ADAM22: variants seen among roughly 807,000 people sequenced by gnomAD.
The protein encoded by ADAM22 is ADAM metallopeptidase domain 22.
In ADAM22, 65 loss-of-function variants were observed where a neutral mutation model predicts 144.6. The ratio of observed to expected loss-of-function variants is 0.45; its 90% CI spans 0.37 to 0.55. ADAM22 has a LOEUF of 0.55. Among genes scored for constraint, ADAM22 ranks in the 20% least tolerant of loss-of-function variants. ADAM22 has a pLI of 0.00. For missense variants in ADAM22, 974 were observed against 1,184.9 expected, an observed-to-expected ratio of 0.82 and a Z score of 2.61; for synonymous variants, 391 against 412.6, an observed-to-expected ratio of 0.95 and a Z score of 0.63.
chr7:88,025,185 C>T (rs894501551), intron 3 of ADAM22, among the ~76,000 whole-genome samples: 10 of 152,112 alleles, frequency 6.6e-5, no homozygotes, highest in East Asian at 1.9e-4. Context: ...AAAAGTGTTC[C>T]TATTTCTCCA....
chr7:88,128,202 T>TA (rs1365170741), intron 8 of ADAM22, among the ~76,000 whole-genome samples: 1 of 152,064 alleles, frequency 6.6e-6, no homozygotes, highest in Non-Finnish European at 1.5e-5. Context: ...ATTTTCAAGA[T>TA]AGACTGTTAA....
At chr7:87,937,198 T>G (rs538824489) in intron 2 of ADAM22, among the ~76,000 whole-genome samples, 1 of 152,318 alleles carries the variant, frequency 6.6e-6, no homozygotes, top group East Asian at 1.9e-4. Flanking sequence ...GCTCAAATCA[T>G]CTGCTGGCCT....
chr7:87,965,929 G>A (rs1231388411), intron 2 of ADAM22, among the ~76,000 whole-genome samples: 1 of 152,220 alleles, frequency 6.6e-6, no homozygotes, highest in Non-Finnish European at 1.5e-5. Flanking sequence ...TGGCTTGACA[G>A]CCATTTACTC....
intron 2 of ADAM22, among the ~76,000 whole-genome samples, chr7:87,953,962 A>AT (rs1845948770): frequency 6.6e-6 from 1 of 151,818 alleles, no homozygotes; most frequent in Non-Finnish European, 1.5e-5. Flanking sequence ...CTAGGATTGC[A>AT]ACCCCTGCCT....
intron 14 of ADAM22, among the ~76,000 whole-genome samples, chr7:88,140,513 GA>G (rs1311475746): frequency 1.3e-5 from 2 of 152,088 alleles, no homozygotes; most frequent in East Asian, 1.9e-4. Flanking sequence ...TTTGTTACTT[GA>G]AAAAAACCTG....
chr7:87,988,517 A>G (rs1788994717), intron 3 of ADAM22, among the ~76,000 whole-genome samples: 1 of 152,164 alleles, frequency 6.6e-6, no homozygotes, highest in African/African-American at 2.4e-5. Flanking sequence ...ATATATATTA[A>G]GTTAGTGTTT....
chr7:88,145,323 G>A (rs1470788809), intron 16 of ADAM22, 92 bp from the exon 17 acceptor site: 3 of 1,485,866 alleles, frequency 2.0e-6, no homozygotes, highest in Admixed American at 1.8e-5. Flanking sequence ...AAAAATTATT[G>A]TGAGTTTGTA....
At chr7:88,048,741 A>G (rs1805379679) in intron 3 of ADAM22, among the ~76,000 whole-genome samples, 1 of 152,124 alleles carries the variant, frequency 6.6e-6, no homozygotes, top group African/African-American at 2.4e-5. Flanking sequence ...ACACAGGAAA[A>G]TATATAATAA....
chr7:88,013,485 T>TA (rs1795906585), intron 3 of ADAM22, among the ~76,000 whole-genome samples: 1 of 152,200 alleles, frequency 6.6e-6, no homozygotes, highest in African/African-American at 2.4e-5. Context: ...AGTGCAGTGA[T>TA]ACAGTCATAG....
chr7:88,017,805 A>ATATATATGTGTGTGTG (rs1374943364), intron 3 of ADAM22, among the ~76,000 whole-genome samples: 1 of 151,600 alleles, frequency 6.6e-6, no homozygotes, highest in African/African-American at 2.4e-5. Flanking sequence ...ATGTGTGTGT[A>ATATATATGTGTGTGTG]TATATATGTG....
At chr7:88,168,070 T>C (rs1843337804) in intron 24 of ADAM22, 67 bp from the exon 25 acceptor site, 1 of 1,364,298 alleles carries the variant, frequency 7.3e-7, no homozygotes, top group South Asian at 1.2e-5. Flanking sequence ...ATTACAAAAC[T>C]GAACAATAAA....
At chr7:88,157,779 C>T (rs1840392494) in intron 22 of ADAM22, among the ~76,000 whole-genome samples, 2 of 152,090 alleles carry the variant, frequency 1.3e-5, no homozygotes, top group Non-Finnish European at 2.9e-5. Context: ...TGGTTTTCTT[C>T]TAGGATGAGT....
At chr7:88,176,544 T>C (rs1353305791) in intron 26 of ADAM22, among the ~76,000 whole-genome samples, 2 of 152,150 alleles carry the variant, frequency 1.3e-5, no homozygotes, top group Non-Finnish European at 2.9e-5. Flanking sequence ...ATTGAAGGGA[T>C]AATAAAACGT....
intron 3 of ADAM22, among the ~76,000 whole-genome samples, chr7:87,985,569 T>C (rs1160877822): frequency 6.6e-6 from 1 of 152,208 alleles, no homozygotes; most frequent in Non-Finnish European, 1.5e-5. Context: ...ATAAAGGGAA[T>C]CATACACTAT....
At chr7:88,173,507 A>G (rs1844861134) in intron 26 of ADAM22, among the ~76,000 whole-genome samples, 1 of 152,088 alleles carries the variant, frequency 6.6e-6, no homozygotes, top group Non-Finnish European at 1.5e-5. Flanking sequence ...AGTGTTTTCT[A>G]AATGAGTTTC....
At chr7:87,955,290 G>A (rs1033958134) in intron 2 of ADAM22, among the ~76,000 whole-genome samples, 5 of 152,162 alleles carry the variant, frequency 3.3e-5, no homozygotes, top group African/African-American at 9.7e-5. Flanking sequence ...CTTTGATGAT[G>A]GTGATGTACA....
intron 22 of ADAM22, among the ~76,000 whole-genome samples, chr7:88,160,563 G>A (rs1841306323): frequency 1.3e-5 from 2 of 152,050 alleles, no homozygotes; most frequent in African/African-American, 4.8e-5. Flanking sequence ...TCGCACACCT[G>A]CAACCATCTG....
At chr7:88,127,545 G>T (rs1229395266) in intron 8 of ADAM22, among the ~76,000 whole-genome samples, 4 of 151,476 alleles carry the variant, frequency 2.6e-5, no homozygotes, top group Middle Eastern at 3.4e-3. Flanking sequence ...TCCAACCTCA[G>T]AATTGTATCT....
intron 2 of ADAM22, among the ~76,000 whole-genome samples, chr7:87,967,916 A>G (rs183504680): frequency 6.6e-6 from 1 of 151,236 alleles, no homozygotes; most frequent in Non-Finnish European, 1.5e-5. Flanking sequence ...AGACTATCTG[A>G]CTGAATTTCT....
Sources: gnomAD v4.1 joint callset for allele counts (sites outside exome capture counted in the v4.1 genomes callset) on GRCh38, gnomAD v4.1.1 for gene constraint, MANE v1.5 for transcripts, NCBI Gene and HGNC (gene_info 2026-07-23, HGNC 2026-07-21) for gene names.